Variants in NBL1 observed in about 807,000 individuals in gnomAD.
NBL1 encodes neuroblastoma suppressor of tumorigenicity 1.
NBL1 carries 9 observed loss-of-function variants against 16.0 expected under a neutral mutation model. The observed-to-expected ratio is 0.56, with a 90% CI of 0.34 to 0.98. NBL1 has a LOEUF of 0.98. Ranked by LOEUF, NBL1 falls within the 50% of genes least tolerant of loss-of-function variation. The probability of loss-of-function intolerance (pLI) is 0.02; values close to 1 mark genes in which losing one functional copy is unlikely to be tolerated. For synonymous variants in NBL1, 86 were observed against 100.7 expected (o/e 0.85, Z 0.87); for missense variants, 196 against 243.1 (o/e 0.81, Z 1.29).
upstream of NBL1, chr1:19,643,811 C>T: frequency 1.0e-6 from 1 of 1,001,096 alleles, no homozygotes; most frequent in Non-Finnish European, 1.2e-6. The surrounding 1 kb of genome is among the most constrained non-coding windows in gnomAD (Gnocchi z 4.7). Flanking sequence ...AGGTGCACCG[C>T]AGAACTGGGG....
intron 1 of NBL1, among the ~76,000 whole-genome samples, chr1:19,646,316 C>G (rs2094980090): frequency 6.6e-6 from 1 of 152,232 alleles, no homozygotes; most frequent in African/African-American, 2.4e-5. Context: ...TTTACAGATG[C>G]AAACGTGAAG....
In NBL1 at chr1:19,657,081, G is replaced by A. The variant is rs1386897717; in HGVS notation, c.498G>A (p.Glu166=). 10 of 1,516,636 alleles carry A rather than the reference G, an allele frequency of 6.6e-6. No individual in the cohort carries two copies. Among genetic ancestry groups the A allele is most frequent in the Non-Finnish European group, 8.9e-6 (10 of 1,128,120 alleles). The allele number at this position is 1,516,636 out of a possible 1,614,324, so 93.9% of individuals were successfully genotyped here. Residue 166 remains glutamate, a synonymous_variant, in exon 4 of 4, where the codon GAG becomes GAA. Coordinates refer to ENST00000375136, the MANE Select transcript of NBL1 (RefSeq NM_005380.8). ...PHPGGQTPEP[E]DPPGAPHTEE... is the part of the protein sequence containing the mutation. Reference sequence around the variant, plus strand: ...CTGGCGGGCAGACCCCTGAGCCCGAGGACCCCCCTGGGGCCCCCCACACAG... The same window carrying A: ...CTGGCGGGCAGACCCCTGAGCCCGAAGACCCCCCTGGGGCCCCCCACACAG...
chr1:19,655,562 G>A, intron 3 of NBL1, 127 bp downstream of exon 3: 1 of 1,077,612 alleles, frequency 9.3e-7, no homozygotes, highest in South Asian at 1.6e-5. Context: ...CTGTGTGCAG[G>A]GTGAAGGGCT....
chr1:19,655,516 T>C, intron 3 of NBL1, 81 bp downstream of exon 3: 1 of 1,487,156 alleles, frequency 6.7e-7, no homozygotes. Context: ...GCTCCTGTAT[T>C]CCAGCAGATG....
At chr1:19,647,805 G>A (rs145589139) in intron 1 of NBL1, 20 of 380,446 alleles carry the variant, frequency 5.3e-5, no homozygotes, top group African/African-American at 3.5e-4. Context: ...TGCCCTCCAC[G>A]GCTCTGCACC....
rs2095059197 is a variant in NBL1, at chr1:19,656,858, C to T, written c.283-8C>T. 6.2e-7 allele frequency: 1 copy of T among 1,605,700 alleles called. No homozygotes were observed. The highest frequency in any genetic ancestry group is 1.3e-5 in the African/African-American group (1 of 74,752). On this transcript the variant is annotated splice_region_variant and splice_polypyrimidine_tract_variant and intron_variant, in intron 3 of 3. Coordinates refer to ENST00000375136, the MANE Select transcript of NBL1 (RefSeq NM_005380.8). The stretch of plus-strand genomic sequence containing the variant: ...AACATGCCTCTGCTTCTCTCTTGCC[C>T]TCTGCAGGTGACGCTGGAGTGCCCG...
At chr1:19,644,014 G>A, upstream of NBL1, 1 of 984,888 alleles carries the variant, frequency 1.0e-6, no homozygotes, top group South Asian at 4.7e-5. This position sits in a 1 kb window ranked among gnomAD's most constrained non-coding sequence, Gnocchi z 4.6. Flanking sequence ...GCTTAAGAAC[G>A]GGCCAGGGCG....
At chr1:19,647,850 GGTGTGTGTGTGTGTGC>G (rs976148795) in intron 1 of NBL1, among the ~76,000 whole-genome samples, 8 of 143,280 alleles carry the variant, frequency 5.6e-5, no homozygotes, top group African/African-American at 2.2e-4. Context: ...GGAAAGGCCT[GGTGTGTGTGTGTGTGC>G]GTGTGTGTGT....
In NBL1 at chr1:19,655,451, C is replaced by G. The variant is rs1314350833; in HGVS notation, c.282+16C>G. On this transcript the variant is annotated intron_variant, in intron 3 of 3. Transcript: ENST00000375136. ...GTGGGAGATTGTGAGTACTGCCTGC[C>G]TGCCCCACCCAGTCTCGGCCCGGAG... 1.2e-6 allele frequency: 2 copies of G among 1,613,444 alleles called. No homozygotes were observed. The highest frequency in any genetic ancestry group is 1.3e-5 in the African/African-American group (1 of 75,056).
intron 1 of NBL1, among the ~76,000 whole-genome samples, chr1:19,650,006 G>A (rs899262035): frequency 4.0e-5 from 6 of 149,884 alleles, no homozygotes; most frequent in African/African-American, 7.6e-5. Flanking sequence ...ACAGAGTCTC[G>A]CTTTGTCGCC....
At chr1:19,652,666 AC>A (rs780090916) in intron 1 of NBL1, among the ~76,000 whole-genome samples, 10 of 151,968 alleles carry the variant, frequency 6.6e-5, no homozygotes, top group Non-Finnish European at 1.0e-4. Flanking sequence ...CCACCTCTAG[AC>A]CCGTGCTCCC....
chr1:19,644,085 C>G (rs2094962395), upstream of NBL1: 1 of 973,090 alleles, frequency 1.0e-6, no homozygotes, highest in Non-Finnish European at 1.2e-6. The surrounding 1 kb of genome is among the most constrained non-coding windows in gnomAD (Gnocchi z 4.6). Flanking sequence ...CCCACCACGC[C>G]GTCGGAGCGC....
In NBL1 at chr1:19,657,326, T is replaced by G; in HGVS notation, c.*197T>G. On this transcript the variant is annotated 3_prime_UTR_variant, in exon 4 of 4. Coordinates refer to ENST00000375136, the MANE Select transcript of NBL1 (RefSeq NM_005380.8). ...AGCCAAGCTGCACAATTTAATATAT[T>G]CAAGAGTGGGGGGAGGAAGCAGAGG... 3.2e-6 allele frequency: 1 copy of G among 311,920 alleles called. No homozygotes were observed. Among genetic ancestry groups the G allele is most frequent in the Non-Finnish European group, 5.8e-6 (1 of 171,008 alleles). The allele number at this position is 311,920 out of a possible 1,614,324, so 19.3% of individuals were successfully genotyped here.
chr1:19,656,311 C>G (rs1293469913), intron 3 of NBL1, among the ~76,000 whole-genome samples: 1 of 147,478 alleles, frequency 6.8e-6, no homozygotes, highest in Non-Finnish European at 1.5e-5. Context: ...CTCAGCTGGG[C>G]TGGGCTTTGG....
At chr1:19,652,086 A>C (rs1483812503) in intron 1 of NBL1, among the ~76,000 whole-genome samples, 1 of 151,914 alleles carries the variant, frequency 6.6e-6, no homozygotes, top group Non-Finnish European at 1.5e-5. Context: ...CCAAATCCAC[A>C]TCACTTTCTG....
chr1:19,654,700 A>G (rs2095046240), intron 1 of NBL1, among the ~76,000 whole-genome samples: 1 of 152,112 alleles, frequency 6.6e-6, no homozygotes, highest in Non-Finnish European at 1.5e-5. Flanking sequence ...AGGCACCGAG[A>G]TAAAAAGTAA....
At chr1:19,649,486 G>A (rs1346977829) in intron 1 of NBL1, among the ~76,000 whole-genome samples, 3 of 151,924 alleles carry the variant, frequency 2.0e-5, no homozygotes, top group Admixed American at 2.0e-4. Context: ...AGCCTCCTGA[G>A]TAGCTGGGAC....
At chr1:19,645,118 C>T (rs1395891936) in intron 1 of NBL1, among the ~76,000 whole-genome samples, 1 of 152,200 alleles carries the variant, frequency 6.6e-6, no homozygotes, top group African/African-American at 2.4e-5. Context: ...CCCCCAGTGT[C>T]GGAGGCTCGC....
At chr1:19,643,791 G>A (rs2094961066), upstream of NBL1, 54 of 1,012,326 alleles carry the variant, frequency 5.3e-5, no homozygotes, top group Non-Finnish European at 6.1e-5. This position sits in a 1 kb window ranked among gnomAD's most constrained non-coding sequence, Gnocchi z 4.7. Flanking sequence ...ATGCCGGAGC[G>A]GACGGGATGA....
Sources: allele counts gnomAD v4.1 joint callset (sites outside exome capture counted in the v4.1 genomes callset), GRCh38; gene constraint gnomAD v4.1.1; non-coding constraint Gnocchi (gnomAD v3.1); transcripts MANE v1.5; gene names NCBI Gene and HGNC (gene_info 2026-07-23, HGNC 2026-07-21).